Variants in DOCK7 observed in about 807,000 individuals in gnomAD.
DOCK7 encodes the protein dedicator of cytokinesis 7, also known as dedicator of cytokinesis protein 7.
In DOCK7, 138 loss-of-function variants were observed where a neutral mutation model predicts 271.0. The ratio of observed to expected loss-of-function variants is 0.51; its 90% CI spans 0.44 to 0.59. The LOEUF is 0.59. Ranked by LOEUF, DOCK7 falls within the 20% of genes least tolerant of loss-of-function variation. The probability of loss-of-function intolerance (pLI) is 0.00; values close to 1 mark genes in which losing one functional copy is unlikely to be tolerated. For missense variants in DOCK7, 2,066 were observed against 2,592.4 expected (o/e 0.80, Z 4.41); for synonymous variants, 823 against 876.1 (o/e 0.94, Z 1.07).
intron 21 of DOCK7, 35 bp downstream of exon 21, chr1:62,555,790 T>C (rs1324248926): frequency 6.3e-7 from 1 of 1,586,604 alleles, no homozygotes; most frequent in Admixed American, 1.8e-5. Flanking sequence ...ATATAATTTA[T>C]GAAAGACAGC....
intron 14 of DOCK7, among the ~76,000 whole-genome samples, chr1:62,589,880 TAAA>T (rs543247913): frequency 3.0e-5 from 3 of 99,600 alleles, no homozygotes; most frequent in African/African-American, 3.7e-5. Flanking sequence ...AGACTCCATC[TAAA>T]AAAAAAAAAA....
At chr1:62,669,948 G>A (rs1230624048) in intron 1 of DOCK7, among the ~76,000 whole-genome samples, 5 of 152,238 alleles carry the variant, frequency 3.3e-5, no homozygotes, top group Non-Finnish European at 4.4e-5. Context: ...CTGGAGTTCC[G>A]GGTGGGCGTG....
At chr1:62,605,663 C>T (rs903062099) in intron 14 of DOCK7, 9 of 152,336 alleles carry the variant, frequency 5.9e-5, no homozygotes, top group African/African-American at 2.2e-4. Context: ...TGCTGTGATT[C>T]TAATACATTC....
intron 2 of DOCK7, among the ~76,000 whole-genome samples, chr1:62,656,175 T>G (rs1227782622): frequency 1.3e-5 from 2 of 152,172 alleles, no homozygotes; most frequent in African/African-American, 2.4e-5. Context: ...TATCACAACA[T>G]ATACAAAAAT....
At chr1:62,679,243 G>A (rs1486513365) in intron 1 of DOCK7, among the ~76,000 whole-genome samples, 1 of 151,692 alleles carries the variant, frequency 6.6e-6, no homozygotes. Flanking sequence ...TATTTCTTAC[G>A]ACCCATAAAC....
chr1:62,628,607 A>ATACATACTCT (rs1654232705), intron 11 of DOCK7: 1 of 152,234 alleles, frequency 6.6e-6, no homozygotes, highest in Non-Finnish European at 1.5e-5. Flanking sequence ...ACAAGAATAC[A>ATACATACTCT]TACAAGTAAA....
chr1:62,535,864 C>T (rs1645329341), intron 28 of DOCK7, among the ~76,000 whole-genome samples: 1 of 152,084 alleles, frequency 6.6e-6, no homozygotes, highest in Non-Finnish European at 1.5e-5. Flanking sequence ...AATTATTTTA[C>T]ATTTCTTTTT....
rs755774445 is a variant in DOCK7, at chr1:62,457,518, C to T, written c.6380+20G>A. On this transcript the variant is annotated intron_variant, in intron 49 of 49. Coordinates refer to ENST00000635253, the MANE Select transcript of DOCK7 (RefSeq NM_001367561.1). ...GTTTCAGAGGAAAGAATATCTAAAACCACTTAAAAATAAGCATACCTGTGG... is the reference window on the plus strand; with the variant it reads ...GTTTCAGAGGAAAGAATATCTAAAATCACTTAAAAATAAGCATACCTGTGG... 6.2e-7 allele frequency: 1 copy of T among 1,607,690 alleles called. No homozygotes were observed. The highest frequency in any genetic ancestry group is 8.5e-7 in the Non-Finnish European group (1 of 1,177,344).
rs1178155158 is a variant in DOCK7, at chr1:62,561,795, T to C, written c.2113-92A>G. 6 of 654,328 alleles carry C rather than the reference T, an allele frequency of 9.2e-6. No homozygotes were observed. In the East Asian group the frequency reaches 1.6e-4, roughly 18 times the overall value. The allele number at this position is 654,328 out of a possible 1,614,324, so 40.5% of individuals were successfully genotyped here. A position where few individuals can be genotyped will look rare whatever the true frequency, so the allele number is the denominator to read the frequency against. On this transcript the variant is annotated intron_variant, in intron 18 of 49. Transcript: ENST00000635253. ...AATTACAATATCCCAATGAGAAAAA[T>C]ATTGTGAAAATATATTTTTATTCAC...
chr1:62,658,435 G>A (rs1195242308), intron 2 of DOCK7, among the ~76,000 whole-genome samples: 1 of 152,004 alleles, frequency 6.6e-6, no homozygotes, highest in East Asian at 1.9e-4. Flanking sequence ...ACTCCAGTCT[G>A]GGGGACAGAG....
intron 8 of DOCK7, 50 bp from the exon 9 acceptor site, chr1:62,634,972 T>C: frequency 7.6e-7 from 1 of 1,308,406 alleles, no homozygotes; most frequent in South Asian, 1.6e-5. Flanking sequence ...TTTTACAGTG[T>C]CTATTTCTTA....
chr1:62,487,981 C>A (rs1189807075), intron 42 of DOCK7: 1 of 152,344 alleles, frequency 6.6e-6, no homozygotes, highest in Non-Finnish European at 1.5e-5. Context: ...ACAATAAAAT[C>A]CTGACTTAAC....
At chr1:62,479,776 TG>T in intron 43 of DOCK7, 1 of 345,446 alleles carries the variant, frequency 2.9e-6, no homozygotes, top group Non-Finnish European at 6.1e-6. Flanking sequence ...TTCTGTCTCC[TG>T]GGCTCAAGCG....
Position 62,642,356 on chromosome 1 carries a change from G to A in DOCK7, c.818+5335C>T, listed in dbSNP as rs189486903. On this transcript the variant is annotated intron_variant, in intron 7 of 49. Coordinates refer to ENST00000635253, the MANE Select transcript of DOCK7 (RefSeq NM_001367561.1). ...TGACCTCAGGTGATCTGTCCGCCTC[G>A]GCCTCCCAAAGTGCTGGGATTATAG... 8.0e-3 allele frequency among the ~76,000 whole-genome samples: 1,218 copies of A among 151,968 alleles called. 19 individuals are homozygous for A. Among genetic ancestry groups the A allele is most frequent in the African/African-American group, 0.028 (1,149 of 41,422 alleles).
intron 14 of DOCK7, chr1:62,609,724 T>C (rs1651505391): frequency 6.6e-6 from 1 of 152,190 alleles, no homozygotes; most frequent in Admixed American, 6.5e-5. Context: ...GGAACTTTAC[T>C]CCTTCCCTTC....
rs770605987 is a variant in DOCK7, at chr1:62,577,331, C to G, written c.2043G>C (p.Lys681Asn). 7.6e-6 allele frequency: 12 copies of G among 1,588,532 alleles called. No homozygotes were observed. The highest frequency in any genetic ancestry group is 8.6e-6 in the Non-Finnish European group (10 of 1,164,712). ...AGACTGGCAAGCAAAACTGGCCAGTCTTCAACCGTCCATTCTGAAGCATTG... is the reference window on the plus strand; with the variant it reads ...AGACTGGCAAGCAAAACTGGCCAGTGTTCAACCGTCCATTCTGAAGCATTG... ...WIPMLQNGRL[K>N]TGQFCLPVSL... The change falls in exon 18 of 50, where the codon AAG becomes AAC. Residue 681 changes from lysine (K) to asparagine (N), a missense_variant. Coordinates refer to ENST00000635253, the MANE Select transcript of DOCK7 (RefSeq NM_001367561.1).
rs1262614913 is a variant in DOCK7, at chr1:62,545,154, TGTTA to T, written c.2767-119_2767-116del. On this transcript the variant is annotated intron_variant, in intron 22 of 49. Coordinates refer to ENST00000635253, the MANE Select transcript of DOCK7 (RefSeq NM_001367561.1). ...ATGCAAACATGTTTTTAATTAGTAC[TGTTA>T]AAGCAACCAAAATTTGTAGGCACCT... 4 of 1,004,250 alleles carry T rather than the reference TGTTA, an allele frequency of 4.0e-6. No individual in the cohort carries two copies. The East Asian group carries it at 8.3e-5, about 21-fold the overall frequency. The allele number at this position is 1,004,250 out of a possible 1,614,324, so 62.2% of individuals were successfully genotyped here.
rs17123754 is a variant in DOCK7 at position 62,671,544 on chromosome 1, A to G, written c.39-8414T>C. Among the ~76,000 whole-genome samples the G allele has an allele frequency of 9.9e-4, 151 of 152,312 alleles. 5 individuals carry two copies. In the East Asian group the frequency reaches 0.025, roughly 25 times the overall value. ...AAGAGAGAGATACTGAATAAGAATGAACTTAGAGACTACCTAGTACTTTCA... is the reference window on the plus strand; with the variant it reads ...AAGAGAGAGATACTGAATAAGAATGGACTTAGAGACTACCTAGTACTTTCA... On this transcript the variant is annotated intron_variant, in intron 1 of 49. Transcript: ENST00000635253.
At chr1:62,571,135 AG>A (rs538147899) in intron 18 of DOCK7, among the ~76,000 whole-genome samples, 357 of 152,318 alleles carry the variant, frequency 2.3e-3, no homozygotes, top group African/African-American at 8.2e-3. Flanking sequence ...ACGATGGGAG[AG>A]AAATTTTGCA....
Sources: allele counts gnomAD v4.1 joint callset (sites outside exome capture counted in the v4.1 genomes callset), GRCh38; gene constraint gnomAD v4.1.1; transcripts MANE v1.5; gene names NCBI Gene and HGNC (gene_info 2026-07-23, HGNC 2026-07-21).